The following STXBP5L variants were observed in gnomAD, a reference collection of about 807,000 sequenced individuals.
STXBP5L encodes syntaxin-binding protein 5-like.
In STXBP5L, 65 loss-of-function variants were observed where a neutral mutation model predicts 144.5. That is an observed-to-expected ratio of 0.45 (90% CI 0.37 to 0.55). The LOEUF (loss-of-function observed/expected upper bound fraction) is 0.55. Among genes scored for constraint, STXBP5L ranks in the 20% least tolerant of loss-of-function variants. The pLI is 0.00. For synonymous variants in STXBP5L, 505 were observed against 469.6 expected (o/e 1.08, Z -0.97); for missense variants, 1,298 against 1,405.5 (o/e 0.92, Z 1.22).
intron 19 of STXBP5L, among the ~76,000 whole-genome samples, chr3:121,292,888 G>C (rs1012391468): frequency 6.6e-6 from 1 of 152,134 alleles, no homozygotes; most frequent in Non-Finnish European, 1.5e-5. Flanking sequence ...CAAGGGAAAG[G>C]GTGGGAGGTA....
At chr3:121,281,508 A>G (rs2051058098) in intron 19 of STXBP5L, among the ~76,000 whole-genome samples, 1 of 152,002 alleles carries the variant, frequency 6.6e-6, no homozygotes, top group Non-Finnish European at 1.5e-5. Context: ...TTAGTTCCTC[A>G]GTCATAATAA....
At chr3:121,229,689 G>C (rs570810335) in intron 11 of STXBP5L, among the ~76,000 whole-genome samples, 1 of 152,178 alleles carries the variant, frequency 6.6e-6, no homozygotes, top group Admixed American at 6.6e-5. Context: ...CCAAGTAGCT[G>C]AAACTCCAAG....
At chr3:121,062,229 T>G (rs1344575001) in intron 5 of STXBP5L, among the ~76,000 whole-genome samples, 6 of 152,176 alleles carry the variant, frequency 3.9e-5, no homozygotes, top group Non-Finnish European at 8.8e-5. Flanking sequence ...TGTAAAGGAT[T>G]TTATTTCCCT....
At chr3:121,254,821 A>T in intron 15 of STXBP5L, 74 bp from the exon 16 acceptor site, 1 of 1,289,712 alleles carries the variant, frequency 7.8e-7, no homozygotes, top group East Asian at 2.5e-5. Flanking sequence ...TTTAACAAAT[A>T]TATTGGAAAA....
At chr3:121,267,189 C>A (rs974178152) in intron 18 of STXBP5L, among the ~76,000 whole-genome samples, 1 of 152,134 alleles carries the variant, frequency 6.6e-6, no homozygotes, top group Non-Finnish European at 1.5e-5. Flanking sequence ...ACCAAAACAG[C>A]ATAATACTGG....
At chr3:121,006,488 G>T (rs1369969402) in intron 3 of STXBP5L, among the ~76,000 whole-genome samples, 1 of 152,102 alleles carries the variant, frequency 6.6e-6, no homozygotes, top group Non-Finnish European at 1.5e-5. Flanking sequence ...CACACTGATG[G>T]ATCTTGACTC....
intron 3 of STXBP5L, among the ~76,000 whole-genome samples, chr3:120,959,359 T>C (rs1355532147): frequency 6.6e-6 from 1 of 152,192 alleles, no homozygotes; most frequent in African/African-American, 2.4e-5. Flanking sequence ...GCCATCCCCA[T>C]CAAGCTACCA....
rs150315851 is a variant in STXBP5L, at chr3:121,331,678, C to T, written c.2176+13138C>T. ...TTCTCCCAGCTACCTTTGTCAAGGC[C>T]GTGATCTCTCCCCAACATTGGGTAT... On this transcript the variant is annotated intron_variant, in intron 20 of 26. Coordinates refer to ENST00000471454, the MANE Select transcript of STXBP5L (RefSeq NM_001308330.2). Among the ~76,000 whole-genome samples, 972 of 152,240 alleles carry T rather than the reference C, an allele frequency of 6.4e-3. 7 individuals carry two copies. The highest frequency in any genetic ancestry group is 0.013 in the Admixed American group (199 of 15,286).
chr3:120,980,369 G>T (rs1396726843), intron 3 of STXBP5L, among the ~76,000 whole-genome samples: 1 of 151,398 alleles, frequency 6.6e-6, no homozygotes, highest in Non-Finnish European at 1.5e-5. Context: ...AGTTCTGGTA[G>T]TGTTTGTTTT....
intron 5 of STXBP5L, among the ~76,000 whole-genome samples, chr3:121,112,400 T>C (rs2044029173): frequency 6.6e-6 from 1 of 152,234 alleles, no homozygotes; most frequent in South Asian, 2.1e-4. Flanking sequence ...GAGTTCCCCT[T>C]GTTACTTGCA....
chr3:121,096,377 C>T (rs1049905545), intron 5 of STXBP5L, among the ~76,000 whole-genome samples: 1 of 152,186 alleles, frequency 6.6e-6, no homozygotes, highest in East Asian at 1.9e-4. Flanking sequence ...AACTCATTCT[C>T]CATCTAGTTT....
intron 3 of STXBP5L, among the ~76,000 whole-genome samples, chr3:120,990,209 T>A (rs1028642792): frequency 6.6e-6 from 1 of 152,158 alleles, no homozygotes; most frequent in Non-Finnish European, 1.5e-5. Context: ...CCATTCACAA[T>A]TGCTTCAAAG....
chr3:121,281,883 AT>A (rs1266300751), intron 19 of STXBP5L, among the ~76,000 whole-genome samples: 12 of 151,840 alleles, frequency 7.9e-5, no homozygotes, highest in Admixed American at 7.2e-4. Context: ...AAAGACAATC[AT>A]TTTTTATTAA....
intron 9 of STXBP5L, among the ~76,000 whole-genome samples, chr3:121,172,433 C>T (rs997109741): frequency 1.3e-5 from 2 of 152,080 alleles, no homozygotes; most frequent in Non-Finnish European, 2.9e-5. Flanking sequence ...TGCAATCTAT[C>T]CATCTGACAA....
intron 18 of STXBP5L, among the ~76,000 whole-genome samples, chr3:121,270,001 G>T (rs753564073): frequency 3.3e-5 from 5 of 152,106 alleles, no homozygotes; most frequent in Non-Finnish European, 5.9e-5. Flanking sequence ...GAAGTAAATT[G>T]CATATCTCAC....
intron 22 of STXBP5L, among the ~76,000 whole-genome samples, chr3:121,402,056 C>A (rs1255891222): frequency 6.6e-6 from 1 of 152,082 alleles, no homozygotes; most frequent in Non-Finnish European, 1.5e-5. Flanking sequence ...ATTTGTAGGC[C>A]TAGTGCATTT....
At chr3:121,094,174 G>A (rs1463978408) in intron 5 of STXBP5L, among the ~76,000 whole-genome samples, 1 of 152,122 alleles carries the variant, frequency 6.6e-6, no homozygotes, top group South Asian at 2.1e-4. Context: ...CATTTGCTGA[G>A]GAGAGCTTTA....
At chr3:121,302,946 A>G (rs1161746319) in intron 19 of STXBP5L, among the ~76,000 whole-genome samples, 2 of 152,220 alleles carry the variant, frequency 1.3e-5, no homozygotes, top group East Asian at 3.8e-4. Context: ...AAACCTAGGC[A>G]ATACCATTCA....
intron 20 of STXBP5L, among the ~76,000 whole-genome samples, chr3:121,329,272 G>T (rs778586809): frequency 1.3e-5 from 2 of 152,142 alleles, no homozygotes; most frequent in Non-Finnish European, 2.9e-5. Flanking sequence ...ACCTCTTGAT[G>T]TCAGTATAAC....
Sources: gnomAD v4.1 joint callset for allele counts (sites outside exome capture counted in the v4.1 genomes callset) on GRCh38, gnomAD v4.1.1 for gene constraint, MANE v1.5 for transcripts, NCBI Gene and HGNC (gene_info 2026-07-23, HGNC 2026-07-21) for gene names.